CAMK2D: variants seen among roughly 807,000 people sequenced by gnomAD.
CAMK2D encodes the protein calcium/calmodulin dependent protein kinase II delta, also known as calcium/calmodulin-dependent protein kinase type II subunit delta.
Under a neutral mutation model 84.0 loss-of-function variants are expected in CAMK2D, and 37 were observed. That is an observed-to-expected ratio of 0.44 (90% CI 0.34 to 0.58). The LOEUF (loss-of-function observed/expected upper bound fraction) is 0.58. CAMK2D is among the 20% of genes least tolerant of loss of function. The pLI is 0.02. For missense variants in CAMK2D, 448 were observed against 652.5 expected (o/e 0.69, Z 3.41); for synonymous variants, 202 against 212.5 (o/e 0.95, Z 0.43).
chr4:113,478,610 A>AT (rs2097659945), intron 16 of CAMK2D, among the ~76,000 whole-genome samples: 1 of 152,040 alleles, frequency 6.6e-6, no homozygotes, highest in African/African-American at 2.4e-5. Flanking sequence ...GAAGTAAGTT[A>AT]TTTTTTCTGT....
chr4:113,601,559 G>C (rs1416789196), intron 4 of CAMK2D, among the ~76,000 whole-genome samples: 4 of 151,252 alleles, frequency 2.6e-5, no homozygotes, highest in Non-Finnish European at 5.9e-5. Flanking sequence ...TTTTAAAATA[G>C]CCCAGATGTT....
At chr4:113,738,859 T>C (rs2099586889) in intron 2 of CAMK2D, among the ~76,000 whole-genome samples, 1 of 152,092 alleles carries the variant, frequency 6.6e-6, no homozygotes, top group Admixed American at 6.6e-5. Context: ...TGATGTAATA[T>C]GGGGAACAAT....
At chr4:113,596,029 C>G (rs2098924594) in intron 4 of CAMK2D, among the ~76,000 whole-genome samples, 1 of 152,210 alleles carries the variant, frequency 6.6e-6, no homozygotes, top group Admixed American at 6.5e-5. Flanking sequence ...AGTCAATCCT[C>G]TCAAACCCTG....
rs1594176353 is a variant in CAMK2D at position 113,753,915 on chromosome 4, G to C, written c.160+5405C>G. On this transcript the variant is annotated intron_variant, in intron 2 of 20. Transcript: ENST00000511664. Reference sequence around the variant, plus strand: ...CAGAAATAATCTTGTCCTCCTTTAAGAGCCCATAGTACTTTATTCATGCTT... The same window carrying C: ...CAGAAATAATCTTGTCCTCCTTTAACAGCCCATAGTACTTTATTCATGCTT... 29 of 984,018 alleles carry C rather than the reference G, an allele frequency of 2.9e-5. No homozygotes were observed. The South Asian group carries it at 1.2e-3, about 41-fold the overall frequency. The allele number at this position is 984,018 out of a possible 1,614,324, so 61.0% of individuals were successfully genotyped here. A position where few individuals can be genotyped will look rare whatever the true frequency, so the allele number is the denominator to read the frequency against.
intron 2 of CAMK2D, among the ~76,000 whole-genome samples, chr4:113,739,615 C>CAATAAT (rs1453077111): frequency 2.6e-5 from 4 of 152,092 alleles, no homozygotes; most frequent in African/African-American, 9.7e-5. Flanking sequence ...AGAGATCATT[C>CAATAAT]AATAATAGGT....
chr4:113,719,642 C>T (rs1015905694), intron 2 of CAMK2D, among the ~76,000 whole-genome samples: 13 of 152,302 alleles, frequency 8.5e-5, no homozygotes, highest in African/African-American at 2.9e-4. Flanking sequence ...TCACAAAACA[C>T]TATCAAGCTA....
chr4:113,599,014 T>C (rs760374111), intron 4 of CAMK2D, among the ~76,000 whole-genome samples: 4 of 152,146 alleles, frequency 2.6e-5, no homozygotes, highest in Non-Finnish European at 4.4e-5. Flanking sequence ...CCTGAAGAGA[T>C]ACCTCACCAT....
chr4:113,642,022 AAAT>A (rs2099134312), intron 3 of CAMK2D, among the ~76,000 whole-genome samples: 1 of 152,094 alleles, frequency 6.6e-6, no homozygotes. Context: ...AAAAATTTAA[AAAT>A]AATAAAAAAT....
intron 2 of CAMK2D, among the ~76,000 whole-genome samples, chr4:113,702,012 TC>T (rs2099419245): frequency 6.6e-6 from 1 of 152,190 alleles, no homozygotes; most frequent in African/African-American, 2.4e-5. Context: ...AATTAGTAGT[TC>T]TTTGAAGGGG....
chr4:113,507,801 T>C (rs1388906271), intron 13 of CAMK2D, among the ~76,000 whole-genome samples: 1 of 152,170 alleles, frequency 6.6e-6, no homozygotes, highest in African/African-American at 2.4e-5. Flanking sequence ...GGTACTTAAC[T>C]AGGATTGGTA....
At chr4:113,581,529 A>AAAAAAAAAAAAAAAAAAAG (rs373642282) in intron 4 of CAMK2D, among the ~76,000 whole-genome samples, 9 of 121,876 alleles carry the variant, frequency 7.4e-5, no homozygotes, top group African/African-American at 2.6e-4. Context: ...AAAAAAAAAA[A>AAAAAAAAAAAAAAAAAAAG]AAAAGAAAAG....
intron 16 of CAMK2D, among the ~76,000 whole-genome samples, chr4:113,491,575 G>A (rs1356947688): frequency 5.3e-5 from 8 of 152,112 alleles, no homozygotes; most frequent in Admixed American, 4.6e-4. Flanking sequence ...TTGCATCAAT[G>A]TTCATCAAGG....
chr4:113,739,456 C>T lies in CAMK2D; in HGVS notation c.160+19864G>A, dbSNP rs533013531. 3.3e-5 allele frequency among the ~76,000 whole-genome samples: 5 copies of T among 152,184 alleles called. No individual in the cohort carries two copies. In the East Asian group the frequency reaches 9.7e-4, roughly 29 times the overall value. Reference sequence around the variant, plus strand: ...CAGGCACTTGCCAACAAAAAAGGAACAGGAAGGGGTGGATCCAATATAAGA... The same window carrying T: ...CAGGCACTTGCCAACAAAAAAGGAATAGGAAGGGGTGGATCCAATATAAGA... On this transcript the variant is annotated intron_variant, in intron 2 of 20. Coordinates refer to ENST00000511664, the MANE Select transcript of CAMK2D (RefSeq NM_001321571.2).
At chr4:113,681,833 TTC>T (rs1254298794) in intron 2 of CAMK2D, among the ~76,000 whole-genome samples, 6 of 152,240 alleles carry the variant, frequency 3.9e-5, no homozygotes, top group South Asian at 4.1e-4. Flanking sequence ...TTTAAATGAC[TTC>T]TGTTTTACAT....
At chr4:113,640,607 T>A (rs534545824) in intron 3 of CAMK2D, among the ~76,000 whole-genome samples, 24 of 152,268 alleles carry the variant, frequency 1.6e-4, no homozygotes, top group Non-Finnish European at 2.4e-4. Flanking sequence ...AGACATCAAG[T>A]AAGACCAGAA....
chr4:113,717,237 T>C (rs908878963), intron 2 of CAMK2D, among the ~76,000 whole-genome samples: 1 of 152,148 alleles, frequency 6.6e-6, no homozygotes, highest in Non-Finnish European at 1.5e-5. Context: ...AGAATTCTCT[T>C]ATCTTTTCTA....
intron 2 of CAMK2D, among the ~76,000 whole-genome samples, chr4:113,712,947 T>G (rs912604233): frequency 6.6e-6 from 1 of 152,106 alleles, no homozygotes; most frequent in African/African-American, 2.4e-5. Context: ...AATACTGTTT[T>G]CTGCATTTAA....
intron 4 of CAMK2D, among the ~76,000 whole-genome samples, chr4:113,603,883 C>T (rs1394304733): frequency 6.8e-6 from 1 of 147,556 alleles, no homozygotes; most frequent in Non-Finnish European, 1.5e-5. Context: ...TAGCTTGAGA[C>T]CGGAAGTTTG....
At chr4:113,640,201 C>G (rs1353360865) in intron 3 of CAMK2D, among the ~76,000 whole-genome samples, 1 of 151,796 alleles carries the variant, frequency 6.6e-6, no homozygotes, top group East Asian at 1.9e-4. Context: ...ACCAAAGTAC[C>G]AGAATAGCAT....
Sources: gnomAD v4.1 joint callset for allele counts (sites outside exome capture counted in the v4.1 genomes callset) on GRCh38, gnomAD v4.1.1 for gene constraint, MANE v1.5 for transcripts, NCBI Gene and HGNC (gene_info 2026-07-23, HGNC 2026-07-21) for gene names.